Variants in FOXN3 observed in about 807,000 individuals in gnomAD.
The protein encoded by FOXN3 is forkhead box N3.
FOXN3 carries 7 observed loss-of-function variants against 38.4 expected under a neutral mutation model. The observed-to-expected ratio is 0.18, with a 90% confidence interval of 0.10 to 0.34. The LOEUF is 0.34. Ranked by LOEUF, FOXN3 falls within the 10% of genes least tolerant of loss-of-function variation. The pLI, the probability that FOXN3 is intolerant of heterozygous loss-of-function variation, is 1.00. For missense variants in FOXN3, 456 were observed against 613.4 expected, an observed-to-expected ratio of 0.74 and a Z score of 2.71; for synonymous variants, 230 against 242.2, an observed-to-expected ratio of 0.95 and a Z score of 0.47.
intron 3 of FOXN3, among the ~76,000 whole-genome samples, chr14:89,318,162 C>CTTTTTTT (rs10624729): frequency 0.01 from 1,295 of 127,452 alleles, 62 homozygotes; most frequent in African/African-American, 0.038. Context: ...TTCTTCTTCT[C>CTTTTTTT]TTTTTTTTTT....
intron 2 of FOXN3, among the ~76,000 whole-genome samples, chr14:89,372,634 G>C (rs1890353977): frequency 6.6e-6 from 1 of 151,878 alleles, no homozygotes; most frequent in Non-Finnish European, 1.5e-5. Flanking sequence ...GACCACTGTT[G>C]TTATTTACTA....
At chr14:89,293,608 C>T (rs1281421565) in intron 3 of FOXN3, among the ~76,000 whole-genome samples, 2 of 152,114 alleles carry the variant, frequency 1.3e-5, no homozygotes, top group Non-Finnish European at 2.9e-5. Flanking sequence ...CATGTTGAGT[C>T]GAGGGTGCAC....
intron 3 of FOXN3, among the ~76,000 whole-genome samples, chr14:89,315,870 T>C (rs1021841586): frequency 6.6e-6 from 1 of 152,124 alleles, no homozygotes; most frequent in African/African-American, 2.4e-5. Flanking sequence ...GAAGTGGGGC[T>C]AAAGGGGCCC....
At chr14:89,452,586 A>G (rs1300711614) in intron 1 of FOXN3, among the ~76,000 whole-genome samples, 2 of 152,178 alleles carry the variant, frequency 1.3e-5, no homozygotes, top group Non-Finnish European at 2.9e-5. Flanking sequence ...AGCTTAAAAT[A>G]GGCCACCTTC....
intron 1 of FOXN3, among the ~76,000 whole-genome samples, chr14:89,414,682 T>C (rs980230094): frequency 6.6e-6 from 1 of 151,726 alleles, no homozygotes; most frequent in African/African-American, 2.4e-5. Flanking sequence ...GCCTCCCAAG[T>C]AGCTGGGACT....
chr14:89,515,791 T>C (rs1257952261), intron 1 of FOXN3, among the ~76,000 whole-genome samples: 1 of 152,118 alleles, frequency 6.6e-6, no homozygotes, highest in African/African-American at 2.4e-5. Flanking sequence ...AAATAACGTG[T>C]ATGGAAAAGT....
At chr14:89,310,242 T>C (rs1029018270) in intron 3 of FOXN3, among the ~76,000 whole-genome samples, 2 of 152,222 alleles carry the variant, frequency 1.3e-5, no homozygotes, top group African/African-American at 2.4e-5. Flanking sequence ...GGAGATCTTC[T>C]CTTTTTTCAC....
chr14:89,597,618 G>A (rs558156394), intron 1 of FOXN3, among the ~76,000 whole-genome samples: 2 of 152,104 alleles, frequency 1.3e-5, no homozygotes, highest in Middle Eastern at 3.4e-3. Flanking sequence ...GTGTGTGTGT[G>A]AGAGAGAGAG....
chr14:89,549,659 C>T (rs1894961921), intron 1 of FOXN3, among the ~76,000 whole-genome samples: 1 of 152,190 alleles, frequency 6.6e-6, no homozygotes. Context: ...GGCAAAGAGA[C>T]TTCAACGTTT....
chr14:89,161,554 TTC>T lies in FOXN3; in HGVS notation c.*858_*859del, dbSNP rs1887099197. 7.3e-6 allele frequency: 1 copy of T among 137,512 alleles called. No individual in the cohort carries two copies. Among genetic ancestry groups the T allele is most frequent in the Non-Finnish European group, 1.5e-5 (1 of 65,270 alleles). 8.5% of individuals were successfully genotyped at this position (137,512 alleles called of 1,614,324 possible). ...CCCCATCAGTTTTCTCTCTCTCTCC[TTC>T]GTGTGTGTGTGTGTGTGTGTGTGTG... On this transcript the variant is annotated 3_prime_UTR_variant, in exon 6 of 6. Coordinates refer to ENST00000557258, the MANE Select transcript of FOXN3 (RefSeq NM_005197.4).
intron 3 of FOXN3, among the ~76,000 whole-genome samples, chr14:89,294,243 A>G (rs1253799239): frequency 2.6e-5 from 4 of 152,110 alleles, no homozygotes; most frequent in Non-Finnish European, 5.9e-5. Flanking sequence ...CCTCAGCAGC[A>G]TTCTCAAAGC....
At chr14:89,338,906 A>G (rs1415199175) in intron 3 of FOXN3, among the ~76,000 whole-genome samples, 1 of 152,238 alleles carries the variant, frequency 6.6e-6, no homozygotes, top group African/African-American at 2.4e-5. Flanking sequence ...ATCAAATTCA[A>G]TGACTTTCCC....
intron 2 of FOXN3, among the ~76,000 whole-genome samples, chr14:89,399,216 G>A (rs537113661): frequency 5.3e-5 from 8 of 152,134 alleles, no homozygotes; most frequent in Non-Finnish European, 7.3e-5. Flanking sequence ...AAGACAAGGC[G>A]CAGAGATGAT....
chr14:89,518,973 C>T (rs1255558637), intron 1 of FOXN3, among the ~76,000 whole-genome samples: 1 of 151,998 alleles, frequency 6.6e-6, no homozygotes, highest in Non-Finnish European at 1.5e-5. Flanking sequence ...CGAGATCATA[C>T]CACTGCACTC....
intron 3 of FOXN3, among the ~76,000 whole-genome samples, chr14:89,315,958 C>G (rs192245153): frequency 6.6e-6 from 1 of 152,170 alleles, no homozygotes; most frequent in Non-Finnish European, 1.5e-5. Context: ...ATGCTGCTTT[C>G]CCTTCTCCCA....
intron 3 of FOXN3, among the ~76,000 whole-genome samples, chr14:89,302,610 C>G (rs989163723): frequency 6.6e-5 from 10 of 152,158 alleles, no homozygotes; most frequent in Admixed American, 5.2e-4. Context: ...CTCACCTTTG[C>G]AAGTCCCCTG....
intron 4 of FOXN3, among the ~76,000 whole-genome samples, chr14:89,219,080 A>G (rs1034526304): frequency 1.3e-5 from 2 of 152,168 alleles, no homozygotes; most frequent in East Asian, 1.9e-4. Flanking sequence ...TTAATACTTG[A>G]CAGGCACTGA....
At chr14:89,581,862 A>C (rs533268203) in intron 1 of FOXN3, among the ~76,000 whole-genome samples, 43 of 152,166 alleles carry the variant, frequency 2.8e-4, no homozygotes, top group Admixed American at 6.5e-4. Context: ...CCTTCCTCAC[A>C]TCCTTGACTT....
At chr14:89,201,157 C>T (rs1888225427) in intron 4 of FOXN3, among the ~76,000 whole-genome samples, 1 of 152,192 alleles carries the variant, frequency 6.6e-6, no homozygotes, top group African/African-American at 2.4e-5. Flanking sequence ...ACTACACATT[C>T]CTCTCAAGTC....
Sources: gnomAD v4.1 joint callset for allele counts (sites outside exome capture counted in the v4.1 genomes callset) on GRCh38, gnomAD v4.1.1 for gene constraint, MANE v1.5 for transcripts, NCBI Gene and HGNC (gene_info 2026-07-23, HGNC 2026-07-21) for gene names.